DAPK1: variants seen among roughly 807,000 people sequenced by gnomAD.
The protein encoded by DAPK1 is death-associated protein kinase 1.
DAPK1 carries 56 observed loss-of-function variants against 144.9 expected under a neutral mutation model. The ratio of observed to expected loss-of-function variants is 0.39; its 90% CI spans 0.31 to 0.48. The LOEUF is 0.48. Among genes scored for constraint, DAPK1 ranks in the 20% least tolerant of loss-of-function variants. The pLI is 0.95. For missense variants in DAPK1, 1,454 were observed against 1,875.4 expected (o/e 0.78, Z 4.15); for synonymous variants, 690 against 749.0 (o/e 0.92, Z 1.29).
At chr9:87,639,262 T>G in intron 4 of DAPK1, 92 bp from the exon 5 acceptor site, 1 of 641,130 alleles carries the variant, frequency 1.6e-6, no homozygotes, top group Non-Finnish European at 2.1e-6. Context: ...TTTTTGGCCT[T>G]TTTTTTTTTT....
intron 2 of DAPK1, among the ~76,000 whole-genome samples, chr9:87,559,169 G>C (rs1262433274): frequency 6.6e-6 from 1 of 152,200 alleles, no homozygotes; most frequent in Non-Finnish European, 1.5e-5. Context: ...CTATAAGTTA[G>C]ATGAAATATT....
Position 87,707,473 on chromosome 9 carries a change from GC to G in DAPK1, c.*111del. On this transcript the variant is annotated 3_prime_UTR_variant, in exon 26 of 26. Coordinates refer to ENST00000408954, the MANE Select transcript of DAPK1 (RefSeq NM_004938.4). The surrounding 1 kb of genome is among the most constrained non-coding windows in gnomAD (Gnocchi z 4.0). ...GAGGGTGTTTCTTCCTGCACCCACA[GC>G]CAGGGGGATGCCACTCCTCCCTCCG... 1.4e-6 allele frequency: 1 copy of G among 720,382 alleles called. No homozygotes were observed. The highest frequency in any genetic ancestry group is 2.3e-6 in the Non-Finnish European group (1 of 438,828). The allele number at this position is 720,382 out of a possible 1,614,324, so 44.6% of individuals were successfully genotyped here.
rs145771371 is a variant in DAPK1 at position 87,571,527 on chromosome 9, A to ACC, written c.63-33426_63-33425dup. Among the ~76,000 whole-genome samples the ACC allele has an allele frequency of 1.0e-3, 142 of 141,362 alleles. 4 individuals carry two copies. Among genetic ancestry groups the ACC allele is most frequent in the African/African-American group, 3.2e-3 (115 of 36,118 alleles). 92.7% of individuals were successfully genotyped at this position (141,362 alleles called of 152,430 possible). On this transcript the variant is annotated intron_variant, in intron 2 of 25. Transcript: ENST00000408954. ...CACACACACACACACACACACACAC[A>ACC]CCAGAAGCGAAGCAGGCGGAGAGGG...
chr9:87,637,337 C>T (rs1239326486), intron 3 of DAPK1, among the ~76,000 whole-genome samples: 7 of 152,074 alleles, frequency 4.6e-5, no homozygotes, highest in African/African-American at 1.2e-4. Context: ...TGTGATCCGC[C>T]CGCCTCAGCC....
intron 14 of DAPK1, chr9:87,648,471 C>A: frequency 3.4e-6 from 1 of 291,762 alleles, no homozygotes; most frequent in Non-Finnish European, 6.3e-6. Context: ...AAGAGAAAAT[C>A]ACACAGCTAG....
At chr9:87,576,504 C>A (rs1052614444) in intron 2 of DAPK1, among the ~76,000 whole-genome samples, 1 of 152,150 alleles carries the variant, frequency 6.6e-6, no homozygotes, top group African/African-American at 2.4e-5. Flanking sequence ...GGCCTCTGCC[C>A]CTCATGAGCT....
chr9:87,535,687 G>A (rs1400650942), intron 2 of DAPK1, among the ~76,000 whole-genome samples: 1 of 151,962 alleles, frequency 6.6e-6, no homozygotes, highest in Non-Finnish European at 1.5e-5. Context: ...TTAGATTATG[G>A]TGATTCATAA....
At chr9:87,704,030 T>C (rs1294707321) in intron 25 of DAPK1, among the ~76,000 whole-genome samples, 3 of 152,178 alleles carry the variant, frequency 2.0e-5, no homozygotes, top group Non-Finnish European at 4.4e-5. Context: ...TCTGGCCCTA[T>C]AGCCAGTTTG....
At chr9:87,509,961 C>CT (rs1201294683) in intron 2 of DAPK1, among the ~76,000 whole-genome samples, 6 of 152,218 alleles carry the variant, frequency 3.9e-5, no homozygotes, top group African/African-American at 1.4e-4. Flanking sequence ...CTTTTTCTGA[C>CT]TAAGTCACTA....
At chr9:87,600,033 A>G (rs914665193) in intron 2 of DAPK1, among the ~76,000 whole-genome samples, 6 of 152,180 alleles carry the variant, frequency 3.9e-5, no homozygotes, top group Non-Finnish European at 7.4e-5. Context: ...GCTTAGAAAC[A>G]CTAGACAGCC....
At chr9:87,695,223 C>T (rs1040396795) in intron 21 of DAPK1, among the ~76,000 whole-genome samples, 4 of 152,208 alleles carry the variant, frequency 2.6e-5, no homozygotes, top group African/African-American at 7.2e-5. Context: ...CCATGCTTGG[C>T]CTAAGCAGCC....
At chr9:87,666,529 A>C (rs1204349270) in intron 18 of DAPK1, among the ~76,000 whole-genome samples, 1 of 148,710 alleles carries the variant, frequency 6.7e-6, no homozygotes, top group Non-Finnish European at 1.5e-5. Flanking sequence ...GCTGGAGTGC[A>C]GTGGCACGAT....
chr9:87,538,708 A>G (rs568757672), intron 2 of DAPK1, among the ~76,000 whole-genome samples: 3 of 152,348 alleles, frequency 2.0e-5, no homozygotes, highest in African/African-American at 7.2e-5. Context: ...TATGAAAAAG[A>G]AAATTGTAAC....
At position 87,640,308 on chromosome 9, in the gene DAPK1, G is replaced by T. The variant is rs749825789; in HGVS notation, c.640G>T (p.Ala214Ser). ...GVITYILLSG[A>S]SPFLGDTKQE... ...CTTTATTTTTAACAGCCTAAGTGGGGCCTCCCCATTTCTTGGAGACACTAA... is the reference window on the plus strand; with the variant it reads ...CTTTATTTTTAACAGCCTAAGTGGGTCCTCCCCATTTCTTGGAGACACTAA... The change falls in exon 8 of 26, where the codon GCC (alanine) becomes TCC (serine). Residue 214 changes from alanine to serine, a missense_variant. Physicochemically the swap from Ala to Ser is moderately conservative, Grantham distance 99 (BLOSUM62 1). Around this residue, in one of 2 missense-constraint regions of DAPK1, gnomAD observed 429 missense variants for 637.5 expected, o/e 0.67. Coordinates refer to ENST00000408954, the MANE Select transcript of DAPK1 (RefSeq NM_004938.4). 10 of 1,613,600 alleles carry T rather than the reference G, an allele frequency of 6.2e-6. No individual in the cohort carries two copies. The highest frequency in any genetic ancestry group is 8.5e-6 in the Non-Finnish European group (10 of 1,179,796).
intron 16 of DAPK1, among the ~76,000 whole-genome samples, chr9:87,650,741 G>A (rs1285998795): frequency 6.6e-6 from 1 of 152,198 alleles, no homozygotes; most frequent in Non-Finnish European, 1.5e-5. Context: ...TTGCCCCCAG[G>A]GGTGTTTGAT....
intron 2 of DAPK1, among the ~76,000 whole-genome samples, chr9:87,555,037 G>A (rs1826652264): frequency 6.6e-6 from 1 of 152,232 alleles, no homozygotes; most frequent in African/African-American, 2.4e-5. Context: ...GACCTCTGAA[G>A]AGTCCTGAGC....
intron 2 of DAPK1, among the ~76,000 whole-genome samples, chr9:87,590,524 AT>A (rs538460593): frequency 1.3e-5 from 2 of 151,796 alleles, no homozygotes; most frequent in Non-Finnish European, 2.9e-5. Context: ...AAGTTTTGGA[AT>A]TTTTTTTCTT....
At chr9:87,651,412 T>C in intron 16 of DAPK1, 115 bp from the exon 17 acceptor site, 1 of 994,182 alleles carries the variant, frequency 1.0e-6, no homozygotes, top group Non-Finnish European at 1.6e-6. Context: ...ACTAGGGCTT[T>C]TAGTAGTGAT....
intron 2 of DAPK1, among the ~76,000 whole-genome samples, chr9:87,570,209 C>T (rs1045587081): frequency 6.6e-6 from 1 of 152,134 alleles, no homozygotes; most frequent in African/African-American, 2.4e-5. Flanking sequence ...TTTATGGACT[C>T]TTGAACCTCA....
Sources: gnomAD v4.1 joint callset for allele counts (sites outside exome capture counted in the v4.1 genomes callset) on GRCh38, gnomAD v4.1.1 for gene constraint, gnomAD v4.1.1 regional missense constraint, Gnocchi (gnomAD v3.1) non-coding constraint, MANE v1.5 for transcripts, NCBI Gene and HGNC (gene_info 2026-07-23, HGNC 2026-07-21) for gene names.